ARID3A: variants seen among roughly 807,000 people sequenced by gnomAD.
ARID3A encodes the protein AT-rich interaction domain 3A.
Under a neutral mutation model 52.7 loss-of-function variants are expected in ARID3A, and 11 were observed. That is an observed-to-expected ratio of 0.21 (90% confidence interval 0.13 to 0.35). ARID3A has a LOEUF of 0.35. ARID3A is among the 10% of genes least tolerant of loss of function. The probability of loss-of-function intolerance (pLI) is 1.00; values close to 1 mark genes in which losing one functional copy is unlikely to be tolerated. For synonymous variants in ARID3A, 404 were observed against 359.4 expected (o/e 1.12, Z -1.40); for missense variants, 721 against 838.5 (o/e 0.86, Z 1.73).
intron 3 of ARID3A, among the ~76,000 whole-genome samples, chr19:939,450 TGAC>T (rs1161781617): frequency 2.6e-5 from 4 of 152,042 alleles, no homozygotes; most frequent in Non-Finnish European, 4.4e-5. Flanking sequence ...AAGTAACACT[TGAC>T]ACTCTTCTTG....
At chr19:970,508 T>TC (rs2038255560) in intron 8 of ARID3A, among the ~76,000 whole-genome samples, 2 of 138,304 alleles carry the variant, frequency 1.4e-5, no homozygotes, top group South Asian at 4.9e-4. Context: ...CTTTTTTTTT[T>TC]TTTTTTTTTT....
chr19:971,544 G>A (rs1307882453), intron 8 of ARID3A, among the ~76,000 whole-genome samples: 1 of 152,148 alleles, frequency 6.6e-6, no homozygotes, highest in Non-Finnish European at 1.5e-5. Flanking sequence ...AACCCAGGAG[G>A]TGGAGGTTGC....
intron 3 of ARID3A, chr19:956,403 C>T (rs1240305186): frequency 6.6e-6 from 1 of 152,314 alleles, no homozygotes; most frequent in Non-Finnish European, 1.5e-5. Context: ...CAGATACACT[C>T]CTAGATCCGT....
rs891580600 is a variant in ARID3A, at chr19:959,133, C to T, written c.694-959C>T. Among the ~76,000 whole-genome samples the T allele has an allele frequency of 3.3e-5, 5 of 152,200 alleles. No homozygotes were observed. Among genetic ancestry groups the T allele is most frequent in the Non-Finnish European group, 5.9e-5 (4 of 68,042 alleles). On this transcript the variant is annotated intron_variant, in intron 3 of 8. Transcript: ENST00000263620. The surrounding 1 kb of genome is among the most constrained non-coding windows in gnomAD (Gnocchi z 5.0). ...AATCACCAACAGACATTTATCAGGA[C>T]GCATCCTGCACGAAGACAGAGGCAG... is the stretch of plus-strand genomic sequence containing the variant.
chr19:931,199 C>T (rs558405111), intron 2 of ARID3A, among the ~76,000 whole-genome samples: 52 of 151,998 alleles, frequency 3.4e-4, no homozygotes, highest in African/African-American at 1.1e-3. Context: ...GAGGCCGAGG[C>T]GGAAGGACTG....
At chr19:945,567 C>G (rs557157752) in intron 3 of ARID3A, among the ~76,000 whole-genome samples, 7 of 152,302 alleles carry the variant, frequency 4.6e-5, no homozygotes, top group African/African-American at 1.7e-4. Context: ...CCTGTCCTGC[C>G]CTCAGCCTGG....
chr19:934,388 C>G (rs918233568), intron 3 of ARID3A, among the ~76,000 whole-genome samples: 28 of 152,224 alleles, frequency 1.8e-4, no homozygotes, highest in Admixed American at 1.5e-3. Context: ...GACCCCACAG[C>G]CCGCAGCATG....
rs1174690056 is a variant in ARID3A at position 947,415 on chromosome 19, C to G, written c.694-12677C>G. Among the ~76,000 whole-genome samples the G allele has an allele frequency of 6.6e-6, 1 of 152,180 alleles. No individual in the cohort carries two copies. The highest frequency in any genetic ancestry group is 1.5e-5 in the Non-Finnish European group (1 of 68,016). ...TCCCACCCCGGCCACATCTCAGCAC[C>G]AGGCCTGTCGCTGCCGTCCTGGACT... On this transcript the variant is annotated intron_variant, in intron 3 of 8. Coordinates refer to ENST00000263620, the MANE Select transcript of ARID3A (RefSeq NM_005224.3). This position sits in a 1 kb window ranked among gnomAD's most constrained non-coding sequence, Gnocchi z 6.3.
At position 944,496 on chromosome 19, in the gene ARID3A, T is replaced by G. The variant is rs1283125913; in HGVS notation, c.693+11754T>G. Among the ~76,000 whole-genome samples, 1 of 152,104 alleles carries G rather than the reference T, an allele frequency of 6.6e-6. No homozygotes were observed. The highest frequency in any genetic ancestry group is 2.4e-5 in the African/African-American group (1 of 41,416). ...CGATGCCCCCAAACCTTGACCCATC[T>G]CAGGGGCACCACGCTCACTGCTACA... is the stretch of plus-strand genomic sequence containing the variant. On this transcript the variant is annotated intron_variant, in intron 3 of 8. Coordinates refer to ENST00000263620, the MANE Select transcript of ARID3A (RefSeq NM_005224.3). This position sits in a 1 kb window ranked among gnomAD's most constrained non-coding sequence, Gnocchi z 5.9.
intron 6 of ARID3A, 52 bp downstream of exon 6, chr19:965,132 G>T: frequency 6.5e-7 from 1 of 1,532,566 alleles, no homozygotes; most frequent in Admixed American, 1.9e-5. Flanking sequence ...CTTCAGCCTG[G>T]CTGTCTGACC....
Position 929,697 on chromosome 19 carries a change from G to A in ARID3A, c.169G>A (p.Ala57Thr). The A allele has an allele frequency of 6.4e-7, 1 of 1,564,332 alleles. No individual in the cohort carries two copies. Among genetic ancestry groups the A allele is most frequent in the Non-Finnish European group, 8.6e-7 (1 of 1,163,408 alleles). Residue 57 changes from alanine (A) to threonine (T), a missense_variant, in exon 2 of 9, where the codon GCT (alanine) becomes ACT (threonine). Ala to Thr is a moderately conservative substitution (Grantham distance 58, BLOSUM62 0). Around this residue, in one of 5 missense-constraint regions of ARID3A, gnomAD observed 349 missense variants for 297.3 expected, o/e 1.17. Transcript: ENST00000263620. This position sits in a 1 kb window ranked among gnomAD's most constrained non-coding sequence, Gnocchi z 6.2. ...GCCCGAGAGTGCCCGGATGCAGCGGGCTCAGATGGCCGCACTGGCAGCCAT... is the reference window on the plus strand; with the variant it reads ...GCCCGAGAGTGCCCGGATGCAGCGGACTCAGATGGCCGCACTGGCAGCCAT... ...REPESARMQRAQMAALAAMRA... is the reference protein window; with the variant it reads ...REPESARMQRTQMAALAAMRA...
chr19:938,140 G>A lies in ARID3A; in HGVS notation c.693+5398G>A, dbSNP rs1289851950. On this transcript the variant is annotated intron_variant, in intron 3 of 8. Coordinates refer to ENST00000263620, the MANE Select transcript of ARID3A (RefSeq NM_005224.3). The surrounding 1 kb of genome is among the most constrained non-coding windows in gnomAD (Gnocchi z 4.0). ...ATCACAGACGTGAGCCACCGCGCCC[G>A]GCCTGTTGTCGACTTTTGATCCTAG... is the stretch of plus-strand genomic sequence containing the variant. Among the ~76,000 whole-genome samples the A allele has an allele frequency of 3.9e-5, 6 of 151,976 alleles. No homozygotes were observed. Among genetic ancestry groups the A allele is most frequent in the African/African-American group, 9.7e-5 (4 of 41,290 alleles).
chr19:929,481 CGTGGTGGTGGTGGTGGTG>C lies in ARID3A; in HGVS notation c.-34_-17del, dbSNP rs533720923. 2.2e-6 allele frequency: 3 copies of C among 1,392,804 alleles called. No homozygotes were observed. The highest frequency in any genetic ancestry group is 1.3e-5 in the South Asian group (1 of 75,682). The allele number at this position is 1,392,804 out of a possible 1,614,324, so 86.3% of individuals were successfully genotyped here. On this transcript the variant is annotated 5_prime_UTR_variant, in exon 2 of 9. Transcript: ENST00000263620. This position sits in a 1 kb window ranked among gnomAD's most constrained non-coding sequence, Gnocchi z 6.2. Reference sequence around the variant, plus strand: ...GCCCCCGCCGCCCACCCCTAGCGCCCGTGGTGGTGGTGGTGGTGGTGGTGGTGGTGGCCCGGGCCGCAG... The same window carrying C: ...GCCCCCGCCGCCCACCCCTAGCGCCCGTGGTGGTGGTGGCCCGGGCCGCAG...
rs1599378977 is a variant in ARID3A at position 929,486 on chromosome 19, T to C, written c.-43T>C. 8.7e-7 allele frequency: 1 copy of C among 1,144,610 alleles called. No homozygotes were observed. Among genetic ancestry groups the C allele is most frequent in the Non-Finnish European group, 1.1e-6 (1 of 876,694 alleles). The allele number at this position is 1,144,610 out of a possible 1,614,324, so 70.9% of individuals were successfully genotyped here. A position where few individuals can be genotyped will look rare whatever the true frequency, so the allele number is the denominator to read the frequency against. ...CGCCGCCCACCCCTAGCGCCCGTGG[T>C]GGTGGTGGTGGTGGTGGTGGTGGTG... On this transcript the variant is annotated 5_prime_UTR_variant, in exon 2 of 9. Coordinates refer to ENST00000263620, the MANE Select transcript of ARID3A (RefSeq NM_005224.3). The surrounding 1 kb of genome is among the most constrained non-coding windows in gnomAD (Gnocchi z 6.2).
chr19:943,919 C>A (rs370634886), intron 3 of ARID3A, among the ~76,000 whole-genome samples: 2 of 150,802 alleles, frequency 1.3e-5, no homozygotes, highest in African/African-American at 4.9e-5. Context: ...TGGGCACTTA[C>A]GGGGCACCTG....
rs2037995328 is a variant in ARID3A, at chr19:959,530, C to T, written c.694-562C>T. ...GGGCTCAAGCGATTCACCCGCCTCC[C>T]AAGGTGCTGGGATTACAGGTGTGAG... On this transcript the variant is annotated intron_variant, in intron 3 of 8. Coordinates refer to ENST00000263620, the MANE Select transcript of ARID3A (RefSeq NM_005224.3). The surrounding 1 kb of genome is among the most constrained non-coding windows in gnomAD (Gnocchi z 5.0). 6.6e-6 allele frequency among the ~76,000 whole-genome samples: 1 copy of T among 152,140 alleles called. No homozygotes were observed. The highest frequency in any genetic ancestry group is 1.5e-5 in the Non-Finnish European group (1 of 68,022).
rs1161240319 is a variant in ARID3A, at chr19:959,411, C to T, written c.694-681C>T. 6.6e-6 allele frequency among the ~76,000 whole-genome samples: 1 copy of T among 152,144 alleles called. No homozygotes were observed. The highest frequency in any genetic ancestry group is 6.5e-5 in the Admixed American group (1 of 15,270). ...ACCTCAGCCTCCCGAGTAGCCGGGACTGTAGGCATGAGCCACCCCACCTGG... is the reference window on the plus strand; with the variant it reads ...ACCTCAGCCTCCCGAGTAGCCGGGATTGTAGGCATGAGCCACCCCACCTGG... On this transcript the variant is annotated intron_variant, in intron 3 of 8. Transcript: ENST00000263620. This position sits in a 1 kb window ranked among gnomAD's most constrained non-coding sequence, Gnocchi z 5.0.
intron 4 of ARID3A, among the ~76,000 whole-genome samples, chr19:963,300 C>A (rs571555098): frequency 2.0e-5 from 3 of 152,370 alleles, no homozygotes; most frequent in Admixed American, 2.0e-4. Flanking sequence ...CACTGAGCGC[C>A]TACTGTATGC....
chr19:970,706 T>G (rs113334247), intron 8 of ARID3A, among the ~76,000 whole-genome samples: 1 of 151,728 alleles, frequency 6.6e-6, no homozygotes, highest in Admixed American at 6.6e-5. Context: ...AACTCCTGAC[T>G]TCGTGATCTG....
Sources: gnomAD v4.1 joint callset for allele counts (sites outside exome capture counted in the v4.1 genomes callset) on GRCh38, gnomAD v4.1.1 for gene constraint, gnomAD v4.1.1 regional missense constraint, Gnocchi (gnomAD v3.1) non-coding constraint, MANE v1.5 for transcripts, NCBI Gene and HGNC (gene_info 2026-07-23, HGNC 2026-07-21) for gene names.